Variants in PDE4A observed in about 807,000 individuals in gnomAD.
PDE4A encodes phosphodiesterase 4A, also known as 3',5'-cyclic-AMP phosphodiesterase 4A.
Under a neutral mutation model 73.9 loss-of-function variants are expected in PDE4A, and 21 were observed. That is an observed-to-expected ratio of 0.28 (90% CI 0.20 to 0.41). The LOEUF is 0.41. Among genes scored for constraint, PDE4A ranks in the 10% least tolerant of loss-of-function variants. The pLI is 1.00. For synonymous variants in PDE4A, 463 were observed against 505.4 expected, an observed-to-expected ratio of 0.92 and a Z score of 1.13; for missense variants, 958 against 1,211.4, an observed-to-expected ratio of 0.79 and a Z score of 3.10.
At chr19:10,464,345 C>T (rs2144516500) in intron 14 of PDE4A, 1 of 455,862 alleles carries the variant, frequency 2.2e-6, no homozygotes, top group Non-Finnish European at 4.4e-6. Flanking sequence ...ATCTACCCGC[C>T]TTGGCCTCCC....
intron 10 of PDE4A, among the ~76,000 whole-genome samples, chr19:10,460,357 G>A (rs1195311183): frequency 6.6e-6 from 1 of 151,850 alleles, no homozygotes; most frequent in African/African-American, 2.4e-5. Context: ...AAATTAGCCG[G>A]GCGTGGTGGG....
At chr19:10,448,634 T>TAAA (rs573277641) in intron 2 of PDE4A, among the ~76,000 whole-genome samples, 2 of 134,616 alleles carry the variant, frequency 1.5e-5, no homozygotes, top group Admixed American at 7.5e-5. Flanking sequence ...AGACTCTGTC[T>TAAA]AAAAAAAAAA....
chr19:10,450,805 C>G, intron 5 of PDE4A, 24 bp from the exon 6 acceptor site: 1 of 1,591,568 alleles, frequency 6.3e-7, no homozygotes, highest in Non-Finnish European at 8.6e-7. Flanking sequence ...TTCTCAGTCA[C>G]TACCCTGGCT....
At chr19:10,433,573 C>G (rs1454761453) in intron 1 of PDE4A, among the ~76,000 whole-genome samples, 1 of 152,186 alleles carries the variant, frequency 6.6e-6, no homozygotes, top group African/African-American at 2.4e-5. Flanking sequence ...CACAGGCACC[C>G]ATGAGCACCC....
chr19:10,461,511 C>T lies in PDE4A; in HGVS notation c.1466-15C>T. The stretch of plus-strand genomic sequence containing the variant: ...CACACGTGGGCCCTCCCCTGACCTC[C>T]GGGCTGGGCTGCAGATTCGGAGCTG... On this transcript the variant is annotated splice_polypyrimidine_tract_variant and intron_variant, in intron 11 of 14. Coordinates refer to ENST00000380702, the MANE Select transcript of PDE4A (RefSeq NM_001111307.2). The T allele has an allele frequency of 6.2e-7, 1 of 1,612,942 alleles. No homozygotes were observed. The highest frequency in any genetic ancestry group is 1.1e-5 in the South Asian group (1 of 91,026).
chr19:10,423,157 CTTTTTTTTTT>C (rs61513692), intron 1 of PDE4A: 17 of 756,020 alleles, frequency 2.2e-5, no homozygotes, highest in South Asian at 6.5e-5. Flanking sequence ...AACCCTTTCT[CTTTTTTTTTT>C]TTTTTTTTTT....
chr19:10,420,459 G>A, upstream of PDE4A: 1 of 820,644 alleles, frequency 1.2e-6, no homozygotes, highest in Non-Finnish European at 1.5e-6. This position sits in a 1 kb window ranked among gnomAD's most constrained non-coding sequence, Gnocchi z 6.0. Context: ...GCGGGCGGGG[G>A]GCGGGGAGGG....
chr19:10,428,397 T>TGAGA (rs151327420), intron 1 of PDE4A, among the ~76,000 whole-genome samples: 22 of 116,160 alleles, frequency 1.9e-4, no homozygotes, highest in Admixed American at 3.3e-4. Context: ...AGAGAGATAT[T>TGAGA]GAGAGAGAGA....
intron 2 of PDE4A, among the ~76,000 whole-genome samples, chr19:10,446,783 A>AG (rs2043011956): frequency 6.6e-6 from 1 of 151,778 alleles, no homozygotes; most frequent in Admixed American, 6.6e-5. Flanking sequence ...TAGTAGAGAC[A>AG]GGGTTTCACC....
At chr19:10,441,347 G>C (rs1042419901) in intron 1 of PDE4A, among the ~76,000 whole-genome samples, 1 of 151,420 alleles carries the variant, frequency 6.6e-6, no homozygotes, top group Admixed American at 6.6e-5. Flanking sequence ...GGCTGGTCTC[G>C]AACTCCTGAC....
intron 1 of PDE4A, among the ~76,000 whole-genome samples, chr19:10,422,503 G>A (rs1033629243): frequency 1.3e-5 from 2 of 152,126 alleles, no homozygotes; most frequent in Non-Finnish European, 2.9e-5. Flanking sequence ...AGCTTTGCCC[G>A]TGTGCTCTAC....
intron 8 of PDE4A, 84 bp from the exon 9 acceptor site, chr19:10,459,316 G>C: frequency 5.0e-6 from 8 of 1,599,428 alleles, no homozygotes; most frequent in Non-Finnish European, 6.8e-6. Context: ...GCTTCCTTCA[G>C]ACCAAGGCTT....
In PDE4A at chr19:10,468,305, G is replaced by A. The variant is rs774006931; in HGVS notation, c.*684G>A. On this transcript the variant is annotated 3_prime_UTR_variant, in exon 15 of 15. Transcript: ENST00000380702. Reference sequence around the variant, plus strand: ...TGACTAGAAAGTCAGGGAGCTGGGGGAGCTGTTCACTTTAGGATACGGGGG... The same window carrying A: ...TGACTAGAAAGTCAGGGAGCTGGGGAAGCTGTTCACTTTAGGATACGGGGG... 1 of 152,560 alleles carries A rather than the reference G, an allele frequency of 6.6e-6. No homozygotes were observed. The highest frequency in any genetic ancestry group is 1.5e-5 in the Non-Finnish European group (1 of 68,062). 9.5% of individuals were successfully genotyped at this position (152,560 alleles called of 1,614,324 possible).
At chr19:10,451,723 T>A (rs1177242635) in intron 6 of PDE4A, among the ~76,000 whole-genome samples, 1 of 152,036 alleles carries the variant, frequency 6.6e-6, no homozygotes, top group African/African-American at 2.4e-5. Flanking sequence ...AATGCTCCCA[T>A]GTACAGTTGT....
chr19:10,467,759 TC>T lies in PDE4A; in HGVS notation c.*139del. On this transcript the variant is annotated 3_prime_UTR_variant, in exon 15 of 15. Coordinates refer to ENST00000380702, the MANE Select transcript of PDE4A (RefSeq NM_001111307.2). ...AAGAAAACGAAAAGTGGGGTTTTTT[TC>T]TGTTTTCTTTTTTTCCCCTTTCCCC... 3 of 639,448 alleles carry T rather than the reference TC, an allele frequency of 4.7e-6. No individual in the cohort carries two copies. The allele number at this position is 639,448 out of a possible 1,614,324, so 39.6% of individuals were successfully genotyped here. A position where few individuals can be genotyped will look rare whatever the true frequency, so the allele number is the denominator to read the frequency against.
At chr19:10,438,652 A>C (rs1318424095) in intron 1 of PDE4A, among the ~76,000 whole-genome samples, 1 of 151,596 alleles carries the variant, frequency 6.6e-6, no homozygotes. Context: ...TTATTGCCCA[A>C]GCTGGAATGC....
chr19:10,453,351 G>T lies in PDE4A; in HGVS notation c.784-1478G>T. 1 of 1,607,290 alleles carries T rather than the reference G, an allele frequency of 6.2e-7. No individual in the cohort carries two copies. The highest frequency in any genetic ancestry group is 8.5e-7 in the Non-Finnish European group (1 of 1,177,804). On this transcript the variant is annotated intron_variant, in intron 6 of 14. Transcript: ENST00000380702. The surrounding 1 kb of genome is among the most constrained non-coding windows in gnomAD (Gnocchi z 4.6). ...CCAGGTAGGAGAGTGCAGGGTAGGG[G>T]GTGGGCGGGCATCCTGGTGAGCTGG... is the stretch of plus-strand genomic sequence containing the variant.
At chr19:10,430,860 G>A (rs1708716761) in intron 1 of PDE4A, 3 of 1,237,750 alleles carry the variant, frequency 2.4e-6, no homozygotes, top group South Asian at 3.1e-5. Context: ...GCGGCCGCGC[G>A]GCCTAGGCCG....
Position 10,446,422 on chromosome 19 carries a change from C to T in PDE4A, c.512+13C>T, listed in dbSNP as rs1191970357. The T allele has an allele frequency of 6.2e-7, 1 of 1,600,432 alleles. No homozygotes were observed. Among genetic ancestry groups the T allele is most frequent in the African/African-American group, 1.3e-5 (1 of 74,780 alleles). ...TCACCAGCGAGGCGTGAGCATCCTTCTCCCCACATGCCAGTTCCCCCAGGC... is the reference window on the plus strand; with the variant it reads ...TCACCAGCGAGGCGTGAGCATCCTTTTCCCCACATGCCAGTTCCCCCAGGC... On this transcript the variant is annotated intron_variant, in intron 2 of 14. Transcript: ENST00000380702.
Sources: gnomAD v4.1 joint callset for allele counts (sites outside exome capture counted in the v4.1 genomes callset) on GRCh38, gnomAD v4.1.1 for gene constraint, Gnocchi (gnomAD v3.1) non-coding constraint, MANE v1.5 for transcripts, NCBI Gene and HGNC (gene_info 2026-07-23, HGNC 2026-07-21) for gene names.